CCDC146: variants seen among roughly 807,000 people sequenced by gnomAD.
CCDC146 encodes coiled-coil domain containing 146, also known as coiled-coil domain-containing protein 146.
A neutral mutation model predicts 119.3 loss-of-function variants in CCDC146; 92 were observed. The ratio of observed to expected loss-of-function variants is 0.77; its 90% CI spans 0.65 to 0.92. The LOEUF (loss-of-function observed/expected upper bound fraction) is 0.92, where lower values mean the gene tolerates loss of function less well. Among genes scored for constraint, CCDC146 ranks in the 40% least tolerant of loss-of-function variants. The probability of loss-of-function intolerance (pLI) is 0.00; values close to 1 mark genes in which losing one functional copy is unlikely to be tolerated. For missense variants in CCDC146, 1,000 were observed against 1,103.0 expected, an observed-to-expected ratio of 0.91 and a Z score of 1.32; for synonymous variants, 372 against 371.8, an observed-to-expected ratio of 1.00 and a Z score of -0.01.
chr7:77,287,701 T>C, intron 17 of CCDC146, 124 bp downstream of exon 17: 2 of 979,384 alleles, frequency 2.0e-6, no homozygotes, highest in South Asian at 4.7e-5. Context: ...TAGGGGAACT[T>C]AGAAAAACGA....
chr7:77,165,031 CA>C (rs1791320478), intron 1 of CCDC146, among the ~76,000 whole-genome samples: 1 of 152,296 alleles, frequency 6.6e-6, no homozygotes, highest in African/African-American at 2.4e-5. Context: ...TTTCAGAGAT[CA>C]AAAAGAGCTG....
chr7:77,227,982 C>T (rs2150471520), intron 2 of CCDC146, among the ~76,000 whole-genome samples: 1 of 152,302 alleles, frequency 6.6e-6, no homozygotes, highest in South Asian at 2.1e-4. Flanking sequence ...ACGGACAGTT[C>T]TTGCTTTCTG....
chr7:77,247,933 G>A (rs1792985046), intron 4 of CCDC146, among the ~76,000 whole-genome samples: 1 of 152,014 alleles, frequency 6.6e-6, no homozygotes, highest in Non-Finnish European at 1.5e-5. Context: ...TCCTACTATT[G>A]GCTATATACC....
chr7:77,235,829 C>T (rs941013447), intron 2 of CCDC146, among the ~76,000 whole-genome samples: 24 of 151,932 alleles, frequency 1.6e-4, no homozygotes, highest in Admixed American at 5.2e-4. Flanking sequence ...CAGCACTTTG[C>T]GAGGCCAAGG....
At position 77,273,713 on chromosome 7, in the gene CCDC146, A is replaced by G; in HGVS notation, c.1193A>G (p.Asp398Gly). The G allele has an allele frequency of 6.2e-7, 1 of 1,609,924 alleles. No individual in the cohort carries two copies. Among genetic ancestry groups the G allele is most frequent in the Non-Finnish European group, 8.5e-7 (1 of 1,177,442 alleles). The change falls in exon 10 of 19, where the codon GAT (aspartate) becomes GGT (glycine). Residue 398 changes from aspartate to glycine, a missense_variant. Around this residue, in one of 2 missense-constraint regions of CCDC146, gnomAD observed 985 missense variants for 1,045.3 expected, o/e 0.94. Coordinates refer to ENST00000285871, the MANE Select transcript of CCDC146 (RefSeq NM_020879.3). ...LLLEMEAIPK[D>G]DSTLSERRRE... ...TTCCAGATGGAAGCTATCCCCAAAG[A>G]TGATTCTACATTATCTGAGAGAAGG... is the stretch of plus-strand genomic sequence containing the variant.
At chr7:77,267,586 A>G (rs866043783) in intron 9 of CCDC146, among the ~76,000 whole-genome samples, 5 of 151,572 alleles carry the variant, frequency 3.3e-5, no homozygotes, top group Middle Eastern at 3.2e-3. Context: ...ACCCCTGTTC[A>G]TCACAAATAC....
At chr7:77,244,605 A>C (rs113302984) in intron 4 of CCDC146, among the ~76,000 whole-genome samples, 2 of 152,240 alleles carry the variant, frequency 1.3e-5, no homozygotes, top group Non-Finnish European at 1.5e-5. Flanking sequence ...TCTATAGCCT[A>C]GGTGCAGTAG....
At chr7:77,152,211 A>T (rs1791117703) in intron 1 of CCDC146, among the ~76,000 whole-genome samples, 1 of 152,156 alleles carries the variant, frequency 6.6e-6, no homozygotes, top group African/African-American at 2.4e-5. Flanking sequence ...TTGTTCTCCA[A>T]ATCAGAGATA....
At chr7:77,256,285 A>T in intron 5 of CCDC146, 48 bp from the exon 6 acceptor site, 1 of 1,388,132 alleles carries the variant, frequency 7.2e-7, no homozygotes, top group East Asian at 2.4e-5. Context: ...TAGGTAGATA[A>T]ATGTTTGCTC....
chr7:77,173,298 C>T (rs1456327969), intron 2 of CCDC146, among the ~76,000 whole-genome samples: 3 of 152,128 alleles, frequency 2.0e-5, no homozygotes, highest in Non-Finnish European at 4.4e-5. Context: ...AGGGCAGGAA[C>T]TACACTGTTA....
At chr7:77,186,733 C>T (rs777122002) in intron 2 of CCDC146, among the ~76,000 whole-genome samples, 6 of 152,106 alleles carry the variant, frequency 3.9e-5, no homozygotes, top group African/African-American at 1.4e-4. Context: ...GAACAATTCA[C>T]GAATCAGGCA....
intron 2 of CCDC146, among the ~76,000 whole-genome samples, chr7:77,230,773 T>C (rs1041048600): frequency 3.9e-5 from 6 of 152,146 alleles, no homozygotes; most frequent in African/African-American, 4.8e-5. Flanking sequence ...ATTTGCAAAG[T>C]TTTTTATTTC....
At chr7:77,142,857 T>C (rs1053094646) in intron 1 of CCDC146, among the ~76,000 whole-genome samples, 7 of 151,790 alleles carry the variant, frequency 4.6e-5, no homozygotes, top group Non-Finnish European at 8.8e-5. Context: ...CTATTGTGAA[T>C]AGGGCTGCAA....
chr7:77,165,260 G>A (rs2117478706), intron 1 of CCDC146, among the ~76,000 whole-genome samples: 1 of 152,134 alleles, frequency 6.6e-6, no homozygotes, highest in South Asian at 2.1e-4. Context: ...GACCTACGCA[G>A]TCACACAAGG....
chr7:77,177,205 T>A (rs1791513562), intron 2 of CCDC146, among the ~76,000 whole-genome samples: 1 of 152,156 alleles, frequency 6.6e-6, no homozygotes, highest in Admixed American at 6.6e-5. Context: ...ATTTATTTTG[T>A]AGGTTGGACC....
chr7:77,159,144 A>G (rs1791221144), intron 1 of CCDC146, among the ~76,000 whole-genome samples: 1 of 152,132 alleles, frequency 6.6e-6, no homozygotes, highest in Non-Finnish European at 1.5e-5. Flanking sequence ...CACCCCCTGT[A>G]TTATTATTTT....
chr7:77,186,064 A>G (rs1051971763), intron 2 of CCDC146, among the ~76,000 whole-genome samples: 59 of 152,332 alleles, frequency 3.9e-4, no homozygotes, highest in African/African-American at 1.3e-3. Flanking sequence ...TAGCACAACC[A>G]CTATGGAGAA....
intron 4 of CCDC146, among the ~76,000 whole-genome samples, chr7:77,245,826 G>T (rs571939891): frequency 6.6e-6 from 1 of 151,174 alleles, no homozygotes; most frequent in Admixed American, 6.6e-5. Context: ...CTCAGGAGTA[G>T]TCACAAGGAA....
At chr7:77,158,019 A>G (rs1018985084) in intron 1 of CCDC146, among the ~76,000 whole-genome samples, 1 of 152,104 alleles carries the variant, frequency 6.6e-6, no homozygotes, top group Non-Finnish European at 1.5e-5. Flanking sequence ...CTTCTCAGCA[A>G]TATTGTCAGC....
Sources: gnomAD v4.1 joint callset for allele counts (sites outside exome capture counted in the v4.1 genomes callset) on GRCh38, gnomAD v4.1.1 for gene constraint, gnomAD v4.1.1 regional missense constraint, MANE v1.5 for transcripts, NCBI Gene and HGNC (gene_info 2026-07-23, HGNC 2026-07-21) for gene names.